CD200: variants seen among roughly 807,000 people sequenced by gnomAD.
The protein encoded by CD200 is OX-2 membrane glycoprotein.
Under a neutral mutation model 30.9 loss-of-function variants are expected in CD200, and 15 were observed. The observed-to-expected ratio is 0.49, with a 90% CI of 0.32 to 0.75. CD200 has a LOEUF of 0.75. Ranked by LOEUF, CD200 falls within the 30% of genes least tolerant of loss-of-function variation. The pLI is 0.03. For missense variants in CD200, 262 were observed against 324.2 expected, an observed-to-expected ratio of 0.81 and a Z score of 1.47; for synonymous variants, 134 against 126.2, an observed-to-expected ratio of 1.06 and a Z score of -0.41.
intron 3 of CD200, 154 bp from the exon 4 acceptor site, chr3:112,347,404 C>G (rs1191233204): frequency 4.1e-6 from 1 of 241,080 alleles, no homozygotes; most frequent in Admixed American, 6.5e-5. Flanking sequence ...ACAAGAGGAA[C>G]TGGAAAGTCC....
At chr3:112,342,958 T>C (rs1319770270) in intron 2 of CD200, among the ~76,000 whole-genome samples, 1 of 152,140 alleles carries the variant, frequency 6.6e-6, no homozygotes, top group Non-Finnish European at 1.5e-5. Flanking sequence ...TTGAAAAGAT[T>C]ATACATCCTT....
chr3:112,354,453 G>T (rs186453537), intron 5 of CD200, among the ~76,000 whole-genome samples: 1 of 152,158 alleles, frequency 6.6e-6, no homozygotes, highest in East Asian at 1.9e-4. Context: ...TTACCAGTTT[G>T]TTTTGTTTGG....
At position 112,361,647 on chromosome 3, in the gene CD200, G is replaced by C; in HGVS notation, c.*97G>C. 2.7e-6 allele frequency: 3 copies of C among 1,130,878 alleles called. No homozygotes were observed. Among genetic ancestry groups the C allele is most frequent in the Middle Eastern group, 2.0e-4 (1 of 5,120 alleles). The allele number at this position is 1,130,878 out of a possible 1,614,324, so 70.1% of individuals were successfully genotyped here. ...AAAGGGGCCATTCTCCAAAGGACCT[G>C]AAAGAGCAAAAGAGGTGGGAGCGAA... On this transcript the variant is annotated 3_prime_UTR_variant, in exon 6 of 6. Transcript: ENST00000315711.
Position 112,347,710 on chromosome 3 carries a change from A to G in CD200, c.574A>G (p.Thr192Ala). 6.2e-7 allele frequency: 1 copy of G among 1,614,040 alleles called. No homozygotes were observed. Among genetic ancestry groups the G allele is most frequent in the Non-Finnish European group, 8.5e-7 (1 of 1,179,966 alleles). The change falls in exon 4 of 6, where the codon ACC becomes GCC. Residue 192 changes from threonine (T) to alanine (A), a missense_variant. Physicochemically the swap from Thr to Ala is moderately conservative, Grantham distance 58. Transcript: ENST00000315711. ...AGTGACTCTGTCTCACCCAAATGGG[A>G]CCACGTCTGTTACCAGCATCCTCCA... ...STVTLSHPNG[T>A]TSVTSILHIK...
intron 1 of CD200, among the ~76,000 whole-genome samples, chr3:112,335,354 A>G (rs1299450143): frequency 6.6e-6 from 1 of 152,228 alleles, no homozygotes; most frequent in Non-Finnish European, 1.5e-5. Context: ...TCTTAGACCT[A>G]TGAAGACAGG....
chr3:112,335,809 C>A, intron 1 of CD200: 1 of 731,084 alleles, frequency 1.4e-6, no homozygotes. Flanking sequence ...CTAACATGAT[C>A]TTGGGTCTTC....
chr3:112,356,243 C>T (rs377115258), intron 5 of CD200, among the ~76,000 whole-genome samples: 4 of 152,078 alleles, frequency 2.6e-5, no homozygotes, highest in South Asian at 2.1e-4. Flanking sequence ...AAATGCTAGC[C>T]TTGTGTTTTG....
At chr3:112,347,007 A>T (rs987130535) in intron 3 of CD200, among the ~76,000 whole-genome samples, 1 of 152,088 alleles carries the variant, frequency 6.6e-6, no homozygotes, top group African/African-American at 2.4e-5. Context: ...CCAAAAAGGG[A>T]TTTTCCAGCT....
chr3:112,348,629 A>T (rs2081459948), intron 4 of CD200, among the ~76,000 whole-genome samples: 1 of 152,204 alleles, frequency 6.6e-6, no homozygotes, highest in South Asian at 2.1e-4. Flanking sequence ...TAAGCCTCCT[A>T]AAAAGTATTA....
chr3:112,346,519 T>G (rs1310214835), intron 3 of CD200, among the ~76,000 whole-genome samples: 1 of 152,204 alleles, frequency 6.6e-6, no homozygotes, highest in Non-Finnish European at 1.5e-5. Context: ...AGCCATTCTT[T>G]GATACATCAT....
chr3:112,341,328 T>C (rs2081234250), intron 2 of CD200, among the ~76,000 whole-genome samples: 1 of 152,242 alleles, frequency 6.6e-6, no homozygotes. Flanking sequence ...TCAATCTTTT[T>C]GGAAAGTAAT....
intron 5 of CD200, among the ~76,000 whole-genome samples, chr3:112,358,684 T>C (rs1043843795): frequency 6.6e-6 from 1 of 152,150 alleles, no homozygotes; most frequent in Non-Finnish European, 1.5e-5. Flanking sequence ...TGAAGGTGCT[T>C]GTAGATCCAA....
At chr3:112,333,029 C>T (rs997591737), upstream of CD200, 27 of 775,310 alleles carry the variant, frequency 3.5e-5, no homozygotes, top group Non-Finnish European at 5.4e-5. Flanking sequence ...ATTTAATTCC[C>T]CCCACACAGA....
intron 1 of CD200, chr3:112,335,857 A>T: frequency 1.1e-6 from 1 of 941,294 alleles, no homozygotes; most frequent in South Asian, 1.3e-5. Context: ...AACACACACA[A>T]CCACCTCCAG....
chr3:112,347,948 G>A, intron 4 of CD200, 118 bp downstream of exon 4: 10 of 870,196 alleles, frequency 1.1e-5, no homozygotes, highest in East Asian at 2.6e-5. Context: ...GAAAGAATGG[G>A]GCAAATAAGG....
At chr3:112,357,351 C>CGGAGTGTT (rs2081647711) in intron 5 of CD200, among the ~76,000 whole-genome samples, 1 of 151,742 alleles carries the variant, frequency 6.6e-6, no homozygotes, top group South Asian at 2.1e-4. Flanking sequence ...AGGAGAGGGG[C>CGGAGTGTT]GGAGTGTTTA....
rs572848051 is a variant in CD200 at position 112,347,907 on chromosome 3, G to T, written c.694+77G>T. The T allele has an allele frequency of 3.5e-5, 46 of 1,298,082 alleles. 1 individual carries two copies. The Middle Eastern group carries it at 1.2e-3, about 35-fold the overall frequency. 80.4% of individuals were successfully genotyped at this position (1,298,082 alleles called of 1,614,324 possible). ...GGAAGGCAGTGAATGTCCTGCAGAG[G>T]TTTTCAGCCTCTTAGCATAATCTAT... On this transcript the variant is annotated intron_variant, in intron 4 of 5. Coordinates refer to ENST00000315711, the MANE Select transcript of CD200 (RefSeq NM_005944.7).
intron 1 of CD200, among the ~76,000 whole-genome samples, chr3:112,334,904 C>CT (rs1559778041): frequency 4.6e-5 from 7 of 151,938 alleles, no homozygotes; most frequent in Non-Finnish European, 7.4e-5. Context: ...CTCTCTTGTC[C>CT]TAAAACACAG....
intron 2 of CD200, among the ~76,000 whole-genome samples, chr3:112,342,397 CTTTCTTTCTTTCTTTCTTTCTTTCT>C (rs1559783502): frequency 5.6e-5 from 3 of 53,574 alleles, no homozygotes; most frequent in Admixed American, 2.3e-4. Context: ...TTCTTTCTTT[CTTTCTTTCTTTCTTTCTTTCTTTCT>C]TTCTTTCTTC....
Sources: allele counts gnomAD v4.1 joint callset (sites outside exome capture counted in the v4.1 genomes callset), GRCh38; gene constraint gnomAD v4.1.1; transcripts MANE v1.5; gene names NCBI Gene and HGNC (gene_info 2026-07-23, HGNC 2026-07-21).